The following TNFRSF11A variants were observed in gnomAD, a reference collection of about 807,000 sequenced individuals.
TNFRSF11A encodes the protein tumor necrosis factor receptor superfamily member 11A.
TNFRSF11A carries 32 observed loss-of-function variants against 55.7 expected under a neutral mutation model. The ratio of observed to expected loss-of-function variants is 0.57; its 90% CI spans 0.43 to 0.77. The LOEUF is 0.77. Ranked by LOEUF, TNFRSF11A falls within the 30% of genes least tolerant of loss-of-function variation. TNFRSF11A has a pLI of 0.00. For synonymous variants in TNFRSF11A, 311 were observed against 331.0 expected (o/e 0.94, Z 0.65); for missense variants, 753 against 809.8 (o/e 0.93, Z 0.85).
intron 4 of TNFRSF11A, among the ~76,000 whole-genome samples, chr18:62,356,013 A>G (rs533877772): frequency 6.6e-6 from 1 of 152,366 alleles, no homozygotes; most frequent in South Asian, 2.1e-4. Context: ...TCAGTTGAGA[A>G]TTCAATTGTG....
At chr18:62,358,555 C>A (rs186347915) in intron 5 of TNFRSF11A, among the ~76,000 whole-genome samples, 97 of 152,330 alleles carry the variant, frequency 6.4e-4, no homozygotes, top group Non-Finnish European at 1.1e-3. Context: ...CTTCGTGTGA[C>A]TTTTTAGATT....
chr18:62,351,885 C>T (rs2046478711), intron 3 of TNFRSF11A, among the ~76,000 whole-genome samples: 1 of 152,204 alleles, frequency 6.6e-6, no homozygotes, highest in Admixed American at 6.5e-5. Flanking sequence ...CAACCTTGGC[C>T]TCCCGGGTTC....
At chr18:62,364,220 C>T (rs2145339250) in intron 7 of TNFRSF11A, among the ~76,000 whole-genome samples, 1 of 152,268 alleles carries the variant, frequency 6.6e-6, no homozygotes, top group African/African-American at 2.4e-5. Context: ...ATCAGGAGAA[C>T]CACAGGCATT....
intron 8 of TNFRSF11A, among the ~76,000 whole-genome samples, chr18:62,368,043 C>G (rs1443648847): frequency 6.6e-6 from 1 of 152,142 alleles, no homozygotes; most frequent in South Asian, 2.1e-4. Flanking sequence ...ATCCACCCAC[C>G]TTGGTCTCCC....
At chr18:62,353,617 G>T (rs1032593271) in intron 3 of TNFRSF11A, among the ~76,000 whole-genome samples, 1 of 152,148 alleles carries the variant, frequency 6.6e-6, no homozygotes, top group African/African-American at 2.4e-5. Flanking sequence ...TATTGAGCAG[G>T]TGAATTCACA....
rs756829516 is a variant in TNFRSF11A at position 62,368,735 on chromosome 18, C to T, written c.818C>T (p.Thr273Met). 7.1e-5 allele frequency: 115 copies of T among 1,614,166 alleles called. No homozygotes were observed. The highest frequency in any genetic ancestry group is 1.6e-4 in the East Asian group (7 of 44,880). The change falls in exon 9 of 10, where the codon ACG becomes ATG. Residue 273 changes from threonine (T) to methionine (M), a missense_variant. By Grantham distance (81) the Thr-to-Met change is moderately conservative. Around this residue, in one of 3 missense-constraint regions of TNFRSF11A, gnomAD observed 567 missense variants for 596.7 expected, o/e 0.95. Transcript: ENST00000586569. ...SSGDSCVSTH[T>M]ANFGQQGACE... ...GGTGACAGTTGTGTCAGTACACACA[C>T]GGCAAACTTTGGTCAGCAGGGAGCA...
chr18:62,369,314 G>T lies in TNFRSF11A; in HGVS notation c.1397G>T (p.Arg466Leu). Residue 466 changes from arginine (R) to leucine (L), a missense_variant, in exon 9 of 10, where the codon CGT (arginine) becomes CTT (leucine). Transcript: ENST00000586569. ...GAACCCCTCGTGGGTTCCCCAAAACGTGGACCCTTGCCCCAGTGCGCCTAT... is the reference window on the plus strand; with the variant it reads ...GAACCCCTCGTGGGTTCCCCAAAACTTGGACCCTTGCCCCAGTGCGCCTAT... ...DCEPLVGSPKRGPLPQCAYGM... is the reference protein window; with the variant it reads ...DCEPLVGSPKLGPLPQCAYGM... The T allele has an allele frequency of 6.2e-7, 1 of 1,610,452 alleles. No homozygotes were observed. Among genetic ancestry groups the T allele is most frequent in the Non-Finnish European group, 8.5e-7 (1 of 1,178,280 alleles).
chr18:62,375,899 T>G (rs1287652213), intron 9 of TNFRSF11A, among the ~76,000 whole-genome samples: 1 of 152,206 alleles, frequency 6.6e-6, no homozygotes, highest in Non-Finnish European at 1.5e-5. Flanking sequence ...CTCGGGAGGC[T>G]GAGGTGGGAT....
Position 62,325,961 on chromosome 18 carries a change from C to T in TNFRSF11A, c.75+534C>T, listed in dbSNP as rs1185636209. Among the ~76,000 whole-genome samples, 1 of 152,186 alleles carries T rather than the reference C, an allele frequency of 6.6e-6. No homozygotes were observed. The highest frequency in any genetic ancestry group is 1.5e-5 in the Non-Finnish European group (1 of 68,020). On this transcript the variant is annotated intron_variant, in intron 1 of 9. Transcript: ENST00000586569. The surrounding 1 kb of genome is among the most constrained non-coding windows in gnomAD (Gnocchi z 4.7). The stretch of plus-strand genomic sequence containing the variant: ...CCCCTGCCAGCTCGCCTGGAGGCCC[C>T]GCACGGCGGGGAGAGACTGCGCGCG...
At position 62,385,078 on chromosome 18, in the gene TNFRSF11A, G is replaced by T; in HGVS notation, c.*44G>T. ...AGCCCGAAGCTCGGAGCCAGGGCTC[G>T]CGAGGGCAGCACCGCAGCCTCTGCC... On this transcript the variant is annotated 3_prime_UTR_variant, in exon 10 of 10. Transcript: ENST00000586569. 2 of 1,432,902 alleles carry T rather than the reference G, an allele frequency of 1.4e-6. No individual in the cohort carries two copies. Among genetic ancestry groups the T allele is most frequent in the East Asian group, 2.8e-5 (1 of 35,458 alleles). 88.8% of individuals were successfully genotyped at this position (1,432,902 alleles called of 1,614,324 possible).
intron 4 of TNFRSF11A, among the ~76,000 whole-genome samples, chr18:62,356,195 T>G (rs1378000630): frequency 6.6e-6 from 1 of 152,228 alleles, no homozygotes; most frequent in East Asian, 1.9e-4. Flanking sequence ...GCACCTGGTT[T>G]TAACCCAAAA....
rs536638616 is a variant in TNFRSF11A, at chr18:62,331,709, T to C, written c.75+6282T>C. Among the ~76,000 whole-genome samples, 20 of 152,362 alleles carry C rather than the reference T, an allele frequency of 1.3e-4. No individual in the cohort carries two copies. In the East Asian group the frequency reaches 3.9e-3, roughly 29 times the overall value. On this transcript the variant is annotated intron_variant, in intron 1 of 9. Transcript: ENST00000586569. ...GGTCTTCCCACACTGGCCTCAAATA[T>C]GTCACCTAACCCCAAAAGAAGCAGT...
chr18:62,369,486 T>C lies in TNFRSF11A; in HGVS notation c.1567+2T>C. The C allele has an allele frequency of 6.2e-7, 1 of 1,604,872 alleles. No individual in the cohort carries two copies. The highest frequency in any genetic ancestry group is 1.1e-5 in the South Asian group (1 of 91,036). ...CTGGTGGCCAGTCCCCTGCATCTGG[T>C]AAGTGACTTCCCAGTCTCTCACTTC... On this transcript the variant is annotated splice_donor_variant, in intron 9 of 9. Coordinates refer to ENST00000586569, the MANE Select transcript of TNFRSF11A (RefSeq NM_003839.4). LOFTEE classifies it high-confidence loss of function.
chr18:62,328,159 TA>T (rs1252471450), intron 1 of TNFRSF11A, among the ~76,000 whole-genome samples: 1 of 150,732 alleles, frequency 6.6e-6, no homozygotes, highest in Non-Finnish European at 1.5e-5. Flanking sequence ...GCTGTGATGA[TA>T]AGAGAGCAGC....
At chr18:62,381,552 T>G (rs760794426) in intron 9 of TNFRSF11A, among the ~76,000 whole-genome samples, 1 of 152,184 alleles carries the variant, frequency 6.6e-6, no homozygotes, top group Non-Finnish European at 1.5e-5. Flanking sequence ...CAGTTTTACG[T>G]GATACTGAAG....
In TNFRSF11A at chr18:62,383,992, C is replaced by T. The variant is rs939938068; in HGVS notation, c.1568-759C>T. On this transcript the variant is annotated intron_variant, in intron 9 of 9. Transcript: ENST00000586569. The surrounding 1 kb of genome is among the most constrained non-coding windows in gnomAD (Gnocchi z 4.2). Reference sequence around the variant, plus strand: ...GGTGATGGGGCCTCAGATGTGAGTCCAGAGAGGAGAGCAGACTGAGGTCTC... The same window carrying T: ...GGTGATGGGGCCTCAGATGTGAGTCTAGAGAGGAGAGCAGACTGAGGTCTC... Among the ~76,000 whole-genome samples, 5 of 151,712 alleles carry T rather than the reference C, an allele frequency of 3.3e-5. No homozygotes were observed. Among genetic ancestry groups the T allele is most frequent in the Admixed American group, 3.3e-4 (5 of 15,236 alleles).
intron 9 of TNFRSF11A, among the ~76,000 whole-genome samples, chr18:62,371,919 A>G (rs2145364887): frequency 6.6e-6 from 1 of 152,268 alleles, no homozygotes; most frequent in East Asian, 1.9e-4. Flanking sequence ...CTGATGTGAC[A>G]TTTGTTTAAG....
chr18:62,340,125 G>A (rs2046290785), intron 1 of TNFRSF11A, among the ~76,000 whole-genome samples: 1 of 151,940 alleles, frequency 6.6e-6, no homozygotes, highest in Non-Finnish European at 1.5e-5. Context: ...CCAGGAGGTC[G>A]AGGCTACAGT....
intron 1 of TNFRSF11A, among the ~76,000 whole-genome samples, chr18:62,343,445 A>T (rs921509053): frequency 1.3e-5 from 2 of 152,194 alleles, no homozygotes; most frequent in Non-Finnish European, 2.9e-5. Context: ...TCCCTGCAGG[A>T]TTCTAAATAC....
Sources: allele counts gnomAD v4.1 joint callset (sites outside exome capture counted in the v4.1 genomes callset), GRCh38; gene constraint gnomAD v4.1.1; regional missense constraint gnomAD v4.1.1; non-coding constraint Gnocchi (gnomAD v3.1); transcripts MANE v1.5; gene names NCBI Gene and HGNC (gene_info 2026-07-23, HGNC 2026-07-21).